The following NHSL2 variants were observed in gnomAD, a reference collection of about 807,000 sequenced individuals.
NHSL2 encodes the protein NHS-like protein 2.
In NHSL2, 27 loss-of-function variants were observed where a neutral mutation model predicts 53.4. The observed-to-expected ratio is 0.51, with a 90% CI of 0.37 to 0.70. The LOEUF (loss-of-function observed/expected upper bound fraction) is 0.70. Ranked by LOEUF, NHSL2 falls within the 30% of genes least tolerant of loss-of-function variation. The probability of loss-of-function intolerance (pLI) is 0.00; values close to 1 mark genes in which losing one functional copy is unlikely to be tolerated. For synonymous variants in NHSL2, 408 were observed against 404.1 expected, an observed-to-expected ratio of 1.01 and a Z score of -0.12; for missense variants, 892 against 980.1, an observed-to-expected ratio of 0.91 and a Z score of 1.20.
intron 1 of NHSL2, among the ~76,000 whole-genome samples, chrX:72,121,671 G>A (rs752837755): frequency 2.2e-3 from 244 of 111,950 alleles, no homozygotes; most frequent in African/African-American, 7.7e-3. Context: ...AGCTGACAGC[G>A]CTGCCATTGT....
intron 1 of NHSL2, among the ~76,000 whole-genome samples, chrX:72,033,349 G>A (rs2042225862): frequency 9.0e-6 from 1 of 110,937 alleles, no homozygotes; most frequent in South Asian, 3.8e-4. Flanking sequence ...ACCACGCCCA[G>A]CTAATTTTTG....
At chrX:72,110,332 G>A (rs992246742) in intron 1 of NHSL2, among the ~76,000 whole-genome samples, 2 of 111,203 alleles carry the variant, frequency 1.8e-5, no homozygotes, top group African/African-American at 6.6e-5. Flanking sequence ...CAGCCTCTGA[G>A]AATGACCTCC....
intron 1 of NHSL2, among the ~76,000 whole-genome samples, chrX:72,125,815 T>C (rs2042220280): frequency 8.9e-6 from 1 of 111,987 alleles, no homozygotes; most frequent in Non-Finnish European, 1.9e-5. Context: ...AACCACATAC[T>C]TAGAACTGCC....
At chrX:72,132,572 C>T (rs1476703203) in intron 2 of NHSL2, among the ~76,000 whole-genome samples, 1 of 109,666 alleles carries the variant, frequency 9.1e-6, no homozygotes, top group Non-Finnish European at 1.9e-5. Context: ...CAGCCCCCCT[C>T]TTGCCACATC....
chrX:72,087,337 A>C (rs1197731082), intron 1 of NHSL2, among the ~76,000 whole-genome samples: 1 of 112,283 alleles, frequency 8.9e-6, no homozygotes, highest in Non-Finnish European at 1.9e-5. Context: ...GTTGACTAGA[A>C]GTTACCAGGG....
intron 1 of NHSL2, among the ~76,000 whole-genome samples, chrX:71,995,400 C>T (rs946799672): frequency 1.0e-5 from 1 of 96,608 alleles, no homozygotes; most frequent in Non-Finnish European, 2.2e-5. Context: ...GAAAAGCCAA[C>T]GTCCTTACAA....
chrX:72,051,316 C>T lies in NHSL2; in HGVS notation c.281-80763C>T, dbSNP rs1433397433. 4.5e-5 allele frequency among the ~76,000 whole-genome samples: 5 copies of T among 112,052 alleles called. No individual in the cohort carries two copies. The South Asian group carries it at 1.5e-3, about 33-fold the overall frequency. ...CAATGAACATTCTTGTAGATATTTC[C>T]CCATGCATGTACAGAAATTTTCAGT... is the stretch of plus-strand genomic sequence containing the variant. On this transcript the variant is annotated intron_variant, in intron 1 of 7. Transcript: ENST00000633930.
chrX:72,000,240 G>A (rs745403625), intron 1 of NHSL2, among the ~76,000 whole-genome samples: 1 of 111,669 alleles, frequency 9.0e-6, no homozygotes, highest in East Asian at 2.8e-4. Context: ...GTGCGAGGCT[G>A]TACTATCCCT....
In NHSL2 at chrX:71,911,304, G is replaced by A. The variant is rs1464317850; in HGVS notation, c.217G>A (p.Val73Met). 10 of 1,129,504 alleles carry A rather than the reference G, an allele frequency of 8.9e-6. No individual in the cohort carries two copies. Among genetic ancestry groups the A allele is most frequent in the Non-Finnish European group, 1.2e-5 (10 of 857,671 alleles). The allele number at this position is 1,129,504 out of a possible 1,213,427, so 93.1% of individuals were successfully genotyped here. Residue 73 changes from valine to methionine, a missense_variant, in exon 1 of 8, where the codon GTG (valine) becomes ATG (methionine). Val to Met is a conservative substitution (Grantham distance 21, BLOSUM62 1). Coordinates refer to ENST00000633930, the MANE Select transcript of NHSL2 (RefSeq NM_001013627.3). ...CACAGACAGCCTGTACCGGCGCACCGTGCGCCTCCGCCGCCGCCTTCCCTG... is the reference window on the plus strand; with the variant it reads ...CACAGACAGCCTGTACCGGCGCACCATGCGCCTCCGCCGCCGCCTTCCCTG... ...RRTDSLYRRT[V>M]RLRRRLPCRL...
intron 1 of NHSL2, among the ~76,000 whole-genome samples, chrX:72,015,260 G>A (rs180724614): frequency 1.8e-5 from 2 of 111,412 alleles, no homozygotes; most frequent in African/African-American, 6.5e-5. Context: ...TAATGCTCAC[G>A]GTTTTTTGTT....
chrX:72,018,875 A>G (rs2042147787), intron 1 of NHSL2, among the ~76,000 whole-genome samples: 1 of 112,783 alleles, frequency 8.9e-6, no homozygotes, highest in African/African-American at 3.2e-5. Flanking sequence ...GGGGTGCGTG[A>G]GGAATGAATG....
At chrX:71,975,724 A>G (rs1472896258) in intron 1 of NHSL2, among the ~76,000 whole-genome samples, 2 of 110,651 alleles carry the variant, frequency 1.8e-5, no homozygotes, top group South Asian at 3.9e-4. Context: ...TGCAGCAGTC[A>G]GGTGAAAGAG....
chrX:71,970,241 A>G (rs1336251870), intron 1 of NHSL2, among the ~76,000 whole-genome samples: 1 of 111,942 alleles, frequency 8.9e-6, no homozygotes, highest in African/African-American at 3.2e-5. Context: ...CTTTGGTATC[A>G]GAATAATGCT....
chrX:71,921,804 T>C (rs965401722), intron 1 of NHSL2, among the ~76,000 whole-genome samples: 9 of 112,401 alleles, frequency 8.0e-5, no homozygotes, highest in African/African-American at 2.9e-4. Context: ...AAATTCCAAA[T>C]AGAAGTTGGA....
At chrX:72,050,883 C>T (rs897780317) in intron 1 of NHSL2, among the ~76,000 whole-genome samples, 25 of 104,373 alleles carry the variant, frequency 2.4e-4, no homozygotes, top group Non-Finnish European at 4.3e-4. Flanking sequence ...AGCAAGACTC[C>T]ATCTATCAAA....
At chrX:71,995,334 AG>A (rs1173866499) in intron 1 of NHSL2, among the ~76,000 whole-genome samples, 2 of 112,032 alleles carry the variant, frequency 1.8e-5, no homozygotes, top group Non-Finnish European at 3.8e-5. Context: ...CAAAAACATA[AG>A]TCAGGTCATG....
In NHSL2 at chrX:72,143,698, C is replaced by A; in HGVS notation, c.*124C>A. 1 of 465,154 alleles carries A rather than the reference C, an allele frequency of 2.1e-6. No homozygotes were observed. 38.3% of individuals were successfully genotyped at this position (465,154 alleles called of 1,213,427 possible). Reference sequence around the variant, plus strand: ...CATTTCTTTTATATTAACTCACACTCTGGACAGCAGGAGAGAGGCTACTTC... The same window carrying A: ...CATTTCTTTTATATTAACTCACACTATGGACAGCAGGAGAGAGGCTACTTC... On this transcript the variant is annotated 3_prime_UTR_variant, in exon 8 of 8. Coordinates refer to ENST00000633930, the MANE Select transcript of NHSL2 (RefSeq NM_001013627.3).
At chrX:72,016,195 A>G (rs2042135184) in intron 1 of NHSL2, among the ~76,000 whole-genome samples, 1 of 112,434 alleles carries the variant, frequency 8.9e-6, no homozygotes, top group Non-Finnish European at 1.9e-5. Context: ...ATTTTTATCA[A>G]ATGGAAAGCT....
intron 1 of NHSL2, among the ~76,000 whole-genome samples, chrX:71,985,977 A>G (rs777247996): frequency 8.9e-6 from 1 of 112,119 alleles, no homozygotes; most frequent in African/African-American, 3.2e-5. Context: ...TTGACAAAGA[A>G]ATTTGGTTAC....
Sources: allele counts gnomAD v4.1 joint callset (sites outside exome capture counted in the v4.1 genomes callset), GRCh38; gene constraint gnomAD v4.1.1; transcripts MANE v1.5; gene names NCBI Gene and HGNC (gene_info 2026-07-23, HGNC 2026-07-21).